The following DENND11 variants were observed in gnomAD, a reference collection of about 807,000 sequenced individuals.
DENND11 encodes the protein DENN domain-containing protein 11.
Under a neutral mutation model 49.2 loss-of-function variants are expected in DENND11, and 34 were observed. That is an observed-to-expected ratio of 0.69 (90% CI 0.53 to 0.92). The LOEUF (loss-of-function observed/expected upper bound fraction) is 0.92. DENND11 is among the 40% of genes least tolerant of loss of function. The pLI is 0.00. For synonymous variants in DENND11, 238 were observed against 230.3 expected (o/e 1.03, Z -0.30); for missense variants, 475 against 581.6 (o/e 0.82, Z 1.88).
intron 8 of DENND11, 24 bp from the exon 9 acceptor site, chr7:141,662,875 G>C (rs748587295): frequency 6.7e-7 from 1 of 1,502,262 alleles, no homozygotes; most frequent in Non-Finnish European, 8.9e-7. Flanking sequence ...ACAAGACACA[G>C]GAAAGGAAGC....
intron 3 of DENND11, among the ~76,000 whole-genome samples, chr7:141,677,554 G>A (rs1240242635): frequency 2.1e-5 from 3 of 143,036 alleles, no homozygotes; most frequent in African/African-American, 5.2e-5. Flanking sequence ...TGAACAAATC[G>A]TCTTCTAGCT....
At position 141,685,546 on chromosome 7, in the gene DENND11, A is replaced by G. The variant is rs752226581; in HGVS notation, c.459T>C (p.Ser153=). The G allele has an allele frequency of 6.2e-7, 1 of 1,613,892 alleles. No individual in the cohort carries two copies. Among genetic ancestry groups the G allele is most frequent in the African/African-American group, 1.3e-5 (1 of 74,924 alleles). The stretch of plus-strand genomic sequence containing the variant: ...TGTAGGAGGGAGAGAGGATGCCCAC[A>G]GACTTCATCCGCGCGCCACGTTCCA... ...SELERGARMK[S]VGILSPSYTL... Residue 153 remains serine, a synonymous_variant, in exon 3 of 9, where the codon TCT becomes TCC. Transcript: ENST00000536163.
In DENND11 at chr7:141,659,615, G is replaced by T. The variant is rs1203166388; in HGVS notation, c.*3041C>A. The T allele has an allele frequency of 6.6e-6, 1 of 152,338 alleles. No individual in the cohort carries two copies. Among genetic ancestry groups the T allele is most frequent in the Non-Finnish European group, 1.5e-5 (1 of 68,176 alleles). 9.4% of individuals were successfully genotyped at this position (152,338 alleles called of 1,614,324 possible). ...TTCTGACTTATTCAGGAACAACAGGGCAGCCCAGCCAGCATCTCAGGTCAG... is the reference window on the plus strand; with the variant it reads ...TTCTGACTTATTCAGGAACAACAGGTCAGCCCAGCCAGCATCTCAGGTCAG... On this transcript the variant is annotated 3_prime_UTR_variant, in exon 9 of 9. Transcript: ENST00000536163.
chr7:141,681,933 C>T (rs1798153505), intron 3 of DENND11, among the ~76,000 whole-genome samples: 1 of 152,136 alleles, frequency 6.6e-6, no homozygotes, highest in South Asian at 2.1e-4. Flanking sequence ...CACAACAGAA[C>T]CAAAGTTGAG....
rs536982821 is a variant in DENND11, at chr7:141,662,292, T to C, written c.*364A>G. On this transcript the variant is annotated 3_prime_UTR_variant, in exon 9 of 9. Transcript: ENST00000536163. Reference sequence around the variant, plus strand: ...GGCCACAGGGGACAGGTGGTTGTCTTATTCTCAAATACATCAAGGGACAAA... The same window carrying C: ...GGCCACAGGGGACAGGTGGTTGTCTCATTCTCAAATACATCAAGGGACAAA... 1 of 212,252 alleles carries C rather than the reference T, an allele frequency of 4.7e-6. No homozygotes were observed. The highest frequency in any genetic ancestry group is 9.2e-6 in the Non-Finnish European group (1 of 108,338). The allele number at this position is 212,252 out of a possible 1,614,324, so 13.1% of individuals were successfully genotyped here.
chr7:141,664,371 G>A (rs1405127612), intron 7 of DENND11, 131 bp from the exon 8 acceptor site: 1 of 668,560 alleles, frequency 1.5e-6, no homozygotes, highest in Non-Finnish European at 2.6e-6. Context: ...GGGATCAACA[G>A]GGTTTGGACT....
chr7:141,674,431 G>C (rs1198345712), intron 3 of DENND11, among the ~76,000 whole-genome samples: 1 of 152,116 alleles, frequency 6.6e-6, no homozygotes, highest in Non-Finnish European at 1.5e-5. Flanking sequence ...GTTCAAACAT[G>C]GGCCTGAAAC....
At chr7:141,675,298 C>T (rs1314319056) in intron 3 of DENND11, among the ~76,000 whole-genome samples, 1 of 152,198 alleles carries the variant, frequency 6.6e-6, no homozygotes, top group Admixed American at 6.5e-5. Flanking sequence ...TGCATAGCCC[C>T]AGAGGGAACT....
chr7:141,684,181 T>G (rs1222843695), intron 3 of DENND11, among the ~76,000 whole-genome samples: 1 of 152,092 alleles, frequency 6.6e-6, no homozygotes, highest in African/African-American at 2.4e-5. Flanking sequence ...CCTAAATTGA[T>G]CCTCCTTGGC....
chr7:141,681,466 G>A (rs1798145107), intron 3 of DENND11, among the ~76,000 whole-genome samples: 1 of 152,150 alleles, frequency 6.6e-6, no homozygotes. Context: ...GTATTCTTGG[G>A]CAGACAAGGG....
At chr7:141,669,982 T>C (rs1797955149) in intron 4 of DENND11, among the ~76,000 whole-genome samples, 1 of 151,316 alleles carries the variant, frequency 6.6e-6, no homozygotes, top group African/African-American at 2.4e-5. Context: ...GGCTAATTTT[T>C]TGTATTTTTA....
At chr7:141,701,808 C>A (rs1307865643) in intron 1 of DENND11, 78 bp downstream of exon 1, 1 of 1,095,722 alleles carries the variant, frequency 9.1e-7, no homozygotes, top group Admixed American at 5.0e-5. Flanking sequence ...GCGCGCGCAG[C>A]GAGCCCCTCC....
At chr7:141,694,267 GTATTT>G (rs949758673) in intron 1 of DENND11, among the ~76,000 whole-genome samples, 10 of 152,064 alleles carry the variant, frequency 6.6e-5, no homozygotes, top group Admixed American at 4.6e-4. Context: ...TTATACTGAA[GTATTT>G]TATTTTATTT....
intron 5 of DENND11, among the ~76,000 whole-genome samples, chr7:141,665,866 C>G (rs1184931423): frequency 6.6e-6 from 1 of 151,822 alleles, no homozygotes; most frequent in Non-Finnish European, 1.5e-5. Flanking sequence ...CAAGGCAGCA[C>G]ACCCTCATCA....
chr7:141,668,330 T>TGA, intron 4 of DENND11, among the ~76,000 whole-genome samples: 1 of 149,902 alleles, frequency 6.7e-6, no homozygotes, highest in African/African-American at 2.4e-5. Context: ...CTCATGCCTG[T>TGA]AATCCCAGCA....
chr7:141,673,269 AC>A (rs769647425), intron 4 of DENND11, among the ~76,000 whole-genome samples: 5 of 152,142 alleles, frequency 3.3e-5, no homozygotes, highest in African/African-American at 4.8e-5. Flanking sequence ...AAAAACATTT[AC>A]TTTTATTTTA....
intron 1 of DENND11, among the ~76,000 whole-genome samples, chr7:141,693,799 TAG>T (rs1370002622): frequency 1.3e-5 from 2 of 152,124 alleles, no homozygotes; most frequent in Non-Finnish European, 2.9e-5. Context: ...GGCAAAATTA[TAG>T]AGACAATAAA....
chr7:141,677,994 G>A (rs911373975), intron 3 of DENND11, among the ~76,000 whole-genome samples: 2 of 149,426 alleles, frequency 1.3e-5, no homozygotes, highest in South Asian at 2.1e-4. Flanking sequence ...ATGGAGTCTC[G>A]CTCTGTTGCC....
chr7:141,684,822 G>A (rs1798205629), intron 3 of DENND11, among the ~76,000 whole-genome samples: 1 of 151,338 alleles, frequency 6.6e-6, no homozygotes, highest in African/African-American at 2.4e-5. Flanking sequence ...ATGTAATTAG[G>A]TTACCTGCAT....
Sources: gnomAD v4.1 joint callset for allele counts (sites outside exome capture counted in the v4.1 genomes callset) on GRCh38, gnomAD v4.1.1 for gene constraint, MANE v1.5 for transcripts, NCBI Gene and HGNC (gene_info 2026-07-23, HGNC 2026-07-21) for gene names.